BRDT: variants seen among roughly 807,000 people sequenced by gnomAD.
The protein encoded by BRDT is bromodomain testis associated.
A neutral mutation model predicts 113.9 loss-of-function variants in BRDT; 77 were observed. The ratio of observed to expected loss-of-function variants is 0.68; its 90% CI spans 0.56 to 0.82. The LOEUF is 0.82. BRDT is among the 40% of genes least tolerant of loss of function. The pLI, the probability that BRDT is intolerant of heterozygous loss-of-function variation, is 0.00. For synonymous variants in BRDT, 358 were observed against 366.5 expected (o/e 0.98, Z 0.26); for missense variants, 1,027 against 1,105.4 (o/e 0.93, Z 1.01).
intron 7 of BRDT, among the ~76,000 whole-genome samples, chr1:91,979,317 T>A (rs1348648210): frequency 6.6e-6 from 1 of 151,892 alleles, no homozygotes; most frequent in Non-Finnish European, 1.5e-5. Flanking sequence ...TTCTCCATGT[T>A]GGTCAGGCTG....
At chr1:91,966,422 C>T (rs150006070) in intron 3 of BRDT, among the ~76,000 whole-genome samples, 193 of 152,218 alleles carry the variant, frequency 1.3e-3, no homozygotes, top group African/African-American at 4.0e-3. Context: ...TTGTCTGAGA[C>T]GGACTCACTG....
At chr1:91,961,181 G>A (rs558268901) in intron 1 of BRDT, among the ~76,000 whole-genome samples, 2 of 152,148 alleles carry the variant, frequency 1.3e-5, no homozygotes, top group East Asian at 1.9e-4. Context: ...CGTGGTGGCA[G>A]GTGCCTGTAA....
At chr1:91,968,675 CCTAA>C (rs1683314963) in intron 4 of BRDT, among the ~76,000 whole-genome samples, 2 of 151,846 alleles carry the variant, frequency 1.3e-5, no homozygotes, top group South Asian at 2.1e-4. Context: ...GTCTTTTTTT[CCTAA>C]CTTTTTCTTC....
chr1:91,988,935 G>A (rs1048083882), intron 12 of BRDT, among the ~76,000 whole-genome samples: 1 of 152,132 alleles, frequency 6.6e-6, no homozygotes, highest in Non-Finnish European at 1.5e-5. Flanking sequence ...TATATAGTAG[G>A]TGTTTTTATT....
chr1:91,959,297 G>A (rs1682153364), intron 1 of BRDT, among the ~76,000 whole-genome samples: 1 of 152,080 alleles, frequency 6.6e-6, no homozygotes, highest in Non-Finnish European at 1.5e-5. Context: ...AGGTTACAGT[G>A]ACAGGGGCAC....
At chr1:91,976,073 T>G (rs1024839672) in intron 4 of BRDT, among the ~76,000 whole-genome samples, 193 bp from the exon 5 acceptor site, 1 of 152,210 alleles carries the variant, frequency 6.6e-6, no homozygotes, top group African/African-American at 2.4e-5. Flanking sequence ...TAATAACAAA[T>G]GTTGAAGTCT....
chr1:91,961,989 CA>C (rs1682501649), intron 1 of BRDT, among the ~76,000 whole-genome samples: 1 of 151,316 alleles, frequency 6.6e-6, no homozygotes, highest in Non-Finnish European at 1.5e-5. Context: ...ACTAAAAATA[CA>C]AAAAGTTAGC....
At position 92,008,237 on chromosome 1, in the gene BRDT, A is replaced by T. The variant is rs573789116; in HGVS notation, c.2775+2938A>T. Among the ~76,000 whole-genome samples the T allele has an allele frequency of 7.9e-5, 12 of 152,296 alleles. No homozygotes were observed. The South Asian group carries it at 2.5e-3, about 32-fold the overall frequency. On this transcript the variant is annotated intron_variant, in intron 18 of 18. Coordinates refer to ENST00000399546, the MANE Select transcript of BRDT (RefSeq NM_207189.4). ...CTGGCCCATTTCTTTGTTTAGATCCAGATATCCAAATAGTGTAATTTTCCT... is the reference window on the plus strand; with the variant it reads ...CTGGCCCATTTCTTTGTTTAGATCCTGATATCCAAATAGTGTAATTTTCCT...
chr1:91,973,311 C>T (rs1439733945), intron 4 of BRDT, among the ~76,000 whole-genome samples: 1 of 152,072 alleles, frequency 6.6e-6, no homozygotes, highest in African/African-American at 2.4e-5. Context: ...TTTTCCAATT[C>T]TGTGAAGAAA....
intron 18 of BRDT, among the ~76,000 whole-genome samples, chr1:92,008,817 A>C (rs966352144): frequency 2.0e-4 from 31 of 152,216 alleles, no homozygotes; most frequent in Middle Eastern, 6.8e-3. Context: ...GTTCCTCTCT[A>C]TCTTTCTATG....
chr1:91,955,379 G>C (rs749091907), intron 1 of BRDT, among the ~76,000 whole-genome samples: 2 of 151,976 alleles, frequency 1.3e-5, no homozygotes, highest in Admixed American at 1.3e-4. Context: ...GCTTGAACCC[G>C]GGAGGCAGAG....
At position 91,977,371 on chromosome 1, in the gene BRDT, C is replaced by G; in HGVS notation, c.947C>G (p.Pro316Arg). 6.3e-7 allele frequency: 1 copy of G among 1,589,670 alleles called. No individual in the cohort carries two copies. Among genetic ancestry groups the G allele is most frequent in the Non-Finnish European group, 8.5e-7 (1 of 1,169,646 alleles). Reference protein sequence around the residue: ...LHNYYDVVKNPMDLGTIKEKM... With the variant: ...LHNYYDVVKNRMDLGTIKEKM... ...AACTACTATGACGTTGTCAAAAATCCGATGGATCTTGGAACTATTAAGGTA... is the reference window on the plus strand; with the variant it reads ...AACTACTATGACGTTGTCAAAAATCGGATGGATCTTGGAACTATTAAGGTA... Residue 316 changes from proline to arginine, a missense_variant, in exon 6 of 19, where the codon CCG (proline) becomes CGG (arginine). Physicochemically the swap from Pro to Arg is moderately radical, Grantham distance 103. Transcript: ENST00000399546.
At chr1:91,973,002 G>A (rs1683774005) in intron 4 of BRDT, among the ~76,000 whole-genome samples, 1 of 152,172 alleles carries the variant, frequency 6.6e-6, no homozygotes, top group South Asian at 2.1e-4. Flanking sequence ...GTGGGGATAG[G>A]TAGAGCGAAA....
chr1:91,971,180 G>A (rs1036255122), intron 4 of BRDT, among the ~76,000 whole-genome samples: 1 of 151,924 alleles, frequency 6.6e-6, no homozygotes, highest in Non-Finnish European at 1.5e-5. Context: ...CCTTCATTAC[G>A]TCAAGGACGG....
At chr1:92,002,289 G>T (rs1208279585) in intron 16 of BRDT, 140 bp downstream of exon 16, 2 of 607,454 alleles carry the variant, frequency 3.3e-6, no homozygotes, top group East Asian at 5.8e-5. Flanking sequence ...GTAATTTTTT[G>T]AAAAAGTACT....
At chr1:91,978,405 T>C (rs1174487998) in intron 7 of BRDT, 109 bp downstream of exon 7, 6 of 1,274,992 alleles carry the variant, frequency 4.7e-6, no homozygotes, top group Non-Finnish European at 4.3e-6. Context: ...CACCTCTAAG[T>C]ATTAAATGGC....
At chr1:91,959,375 A>G (rs1201756594) in intron 1 of BRDT, among the ~76,000 whole-genome samples, 1 of 151,558 alleles carries the variant, frequency 6.6e-6, no homozygotes, top group East Asian at 1.9e-4. Context: ...GTGACATCCT[A>G]GAATAGCTCC....
At chr1:91,962,282 C>CTT (rs11310260) in intron 1 of BRDT, among the ~76,000 whole-genome samples, 3 of 134,630 alleles carry the variant, frequency 2.2e-5, no homozygotes, top group African/African-American at 8.3e-5. Flanking sequence ...TGCCATTTGG[C>CTT]TTTTTTTTTT....
rs1253273449 is a variant in BRDT at position 92,002,101 on chromosome 1, T to C, written c.2340T>C (p.Asp780=). 3 of 1,613,940 alleles carry C rather than the reference T, an allele frequency of 1.9e-6. No homozygotes were observed. Among genetic ancestry groups the C allele is most frequent in the African/African-American group, 2.7e-5 (2 of 74,906 alleles). The change falls in exon 16 of 19, where the codon GAT becomes GAC. Residue 780 remains aspartate, a synonymous_variant. Transcript: ENST00000399546. The stretch of plus-strand genomic sequence containing the variant: ...TAACTGTGATGCATCCATCTGGTGA[T>C]AGTGACACAACGATGTTAGAATCTG... The part of the protein sequence containing the change: ...NGITVMHPSG[D]SDTTMLESEC...
Sources: allele counts gnomAD v4.1 joint callset (sites outside exome capture counted in the v4.1 genomes callset), GRCh38; gene constraint gnomAD v4.1.1; transcripts MANE v1.5; gene names NCBI Gene and HGNC (gene_info 2026-07-23, HGNC 2026-07-21).